The following UGT8 variants were observed in gnomAD, a reference collection of about 807,000 sequenced individuals.
UGT8 encodes UDP glycosyltransferase 8, also known as 2-hydroxyacylsphingosine 1-beta-galactosyltransferase.
Under a neutral mutation model 40.5 loss-of-function variants are expected in UGT8, and 12 were observed. The observed-to-expected ratio is 0.30, with a 90% confidence interval of 0.19 to 0.48. UGT8 has a LOEUF of 0.48. Ranked by LOEUF, UGT8 falls within the 20% of genes least tolerant of loss-of-function variation. The pLI is 0.99. For missense variants in UGT8, 513 were observed against 648.7 expected, an observed-to-expected ratio of 0.79 and a Z score of 2.27; for synonymous variants, 224 against 240.4, an observed-to-expected ratio of 0.93 and a Z score of 0.63.
Position 114,622,905 on chromosome 4 carries a change from A to C in UGT8, c.25A>C (p.Ile9Leu). The C allele has an allele frequency of 6.2e-7, 1 of 1,613,350 alleles. No homozygotes were observed. The highest frequency in any genetic ancestry group is 8.5e-7 in the Non-Finnish European group (1 of 1,179,668). The change falls in exon 2 of 6, where the codon ATT becomes CTT. Residue 9 changes from isoleucine (I) to leucine (L), a missense_variant. Transcript: ENST00000310836. MKSYTPYF[I>L]LLWSAVGIAK... The stretch of plus-strand genomic sequence containing the variant: ...TATGAAGTCTTACACTCCATATTTC[A>C]TTCTCCTGTGGAGTGCTGTTGGGAT...
At chr4:114,616,291 C>T (rs1043526379) in intron 1 of UGT8, among the ~76,000 whole-genome samples, 8 of 152,318 alleles carry the variant, frequency 5.3e-5, no homozygotes, top group Admixed American at 4.6e-4. Context: ...ACTCAAGCCT[C>T]GGCAGTGGCG....
chr4:114,646,367 A>ATATATC (rs567217703), intron 2 of UGT8, among the ~76,000 whole-genome samples: 15 of 151,796 alleles, frequency 9.9e-5, no homozygotes, highest in South Asian at 2.1e-4. Flanking sequence ...ATATACATAC[A>ATATATC]TATATCTATA....
intron 1 of UGT8, among the ~76,000 whole-genome samples, chr4:114,606,875 G>C (rs1730765770): frequency 6.6e-6 from 1 of 152,132 alleles, no homozygotes; most frequent in South Asian, 2.1e-4. Context: ...ATTGATCTGA[G>C]AATGAATTTA....
intron 2 of UGT8, among the ~76,000 whole-genome samples, chr4:114,636,589 A>C (rs1040488378): frequency 6.6e-6 from 1 of 152,244 alleles, no homozygotes; most frequent in Admixed American, 6.5e-5. Context: ...CCTTTCACAG[A>C]AATCCGTAAT....
intron 2 of UGT8, among the ~76,000 whole-genome samples, chr4:114,649,887 A>T (rs1272012044): frequency 1.3e-5 from 2 of 152,158 alleles, no homozygotes; most frequent in Non-Finnish European, 2.9e-5. Flanking sequence ...ACTCCTTGGT[A>T]CACTTTTGTG....
chr4:114,611,008 G>A (rs1282188177), intron 1 of UGT8, among the ~76,000 whole-genome samples: 1 of 152,088 alleles, frequency 6.6e-6, no homozygotes, highest in Non-Finnish European at 1.5e-5. Flanking sequence ...TCTCCTACAT[G>A]TGAATATGTT....
chr4:114,660,652 G>A (rs749213466), intron 2 of UGT8, among the ~76,000 whole-genome samples: 1 of 152,024 alleles, frequency 6.6e-6, no homozygotes, highest in Non-Finnish European at 1.5e-5. Flanking sequence ...CAGCACTTTG[G>A]GAGGCCAAGA....
At chr4:114,604,636 A>C (rs1214599629) in intron 1 of UGT8, among the ~76,000 whole-genome samples, 3 of 152,114 alleles carry the variant, frequency 2.0e-5, no homozygotes, top group Non-Finnish European at 4.4e-5. Flanking sequence ...TTACTGCATA[A>C]TTTGAGAAAA....
chr4:114,611,435 T>TATAC (rs1427223249), intron 1 of UGT8, among the ~76,000 whole-genome samples: 1 of 59,192 alleles, frequency 1.7e-5, no homozygotes, highest in Non-Finnish European at 3.9e-5. Flanking sequence ...TATATATATA[T>TATAC]ATATATATAT....
rs1190332123 is a variant in UGT8 at position 114,676,957 on chromosome 4, T to C, written c.*669T>C. The C allele has an allele frequency of 1.3e-5, 2 of 151,904 alleles. No homozygotes were observed. Among genetic ancestry groups the C allele is most frequent in the Non-Finnish European group, 2.9e-5 (2 of 67,972 alleles). The allele number at this position is 151,904 out of a possible 1,614,324, so 9.4% of individuals were successfully genotyped here. The stretch of plus-strand genomic sequence containing the variant: ...ATTGTTTTTCTTTTCTGATAGAGTA[T>C]GGCCACTTCTGGGGGAAAAACATGT... On this transcript the variant is annotated 3_prime_UTR_variant, in exon 6 of 6. Transcript: ENST00000310836.
intron 2 of UGT8, among the ~76,000 whole-genome samples, chr4:114,642,214 CT>C (rs796675822): frequency 8.9e-4 from 128 of 144,506 alleles, no homozygotes; most frequent in East Asian, 8.4e-3. Flanking sequence ...CCTTTGTTGA[CT>C]TTTTTTTTTT....
At chr4:114,614,997 C>T (rs1731317158) in intron 1 of UGT8, among the ~76,000 whole-genome samples, 2 of 151,916 alleles carry the variant, frequency 1.3e-5, no homozygotes, top group Admixed American at 1.3e-4. Context: ...TGCTAATAGC[C>T]ACCATAAATA....
chr4:114,623,064 A>G lies in UGT8; in HGVS notation c.184A>G (p.Ile62Val), dbSNP rs760580655. Reference sequence around the variant, plus strand: ...GTTCCTCCTCTCTGAAGGCAGAGACATCGCCCCATCTAATCATTACAGCCT... The same window carrying G: ...GTTCCTCCTCTCTGAAGGCAGAGACGTCGCCCCATCTAATCATTACAGCCT... ...TVFLLSEGRD[I>V]APSNHYSLQR... The change falls in exon 2 of 6, where the codon ATC becomes GTC. Residue 62 changes from isoleucine (I) to valine (V), a missense_variant. Around this residue, in one of 3 missense-constraint regions of UGT8, gnomAD observed 335 missense variants for 444.8 expected, o/e 0.75. Coordinates refer to ENST00000310836, the MANE Select transcript of UGT8 (RefSeq NM_001128174.3). 3 of 1,614,068 alleles carry G rather than the reference A, an allele frequency of 1.9e-6. No individual in the cohort carries two copies. The highest frequency in any genetic ancestry group is 1.1e-5 in the South Asian group (1 of 91,088).
Position 114,676,177 on chromosome 4 carries a change from T to A in UGT8, c.1515T>A (p.Ser505Arg). The change falls in exon 6 of 6, where the codon AGT becomes AGA. Residue 505 changes from serine to arginine, a missense_variant. Physicochemically the swap from Ser to Arg is moderately radical, Grantham distance 110. Transcript: ENST00000310836. ...VTKFIYRKIKSLWSRNKHSTV... is the reference protein window; with the variant it reads ...VTKFIYRKIKRLWSRNKHSTV... Reference sequence around the variant, plus strand: ...AATTTATCTACAGAAAAATCAAAAGTCTGTGGTCTAGAAATAAGCATAGCA... The same window carrying A: ...AATTTATCTACAGAAAAATCAAAAGACTGTGGTCTAGAAATAAGCATAGCA... 6.2e-7 allele frequency: 1 copy of A among 1,614,130 alleles called. No individual in the cohort carries two copies. Among genetic ancestry groups the A allele is most frequent in the Non-Finnish European group, 8.5e-7 (1 of 1,180,018 alleles).
chr4:114,600,053 G>A (rs1275757193), intron 1 of UGT8, among the ~76,000 whole-genome samples: 5 of 152,170 alleles, frequency 3.3e-5, no homozygotes, highest in Non-Finnish European at 7.3e-5. Flanking sequence ...AGAGAAGGTA[G>A]AGAACTTCTG....
intron 2 of UGT8, among the ~76,000 whole-genome samples, chr4:114,633,667 C>G (rs911944196): frequency 6.6e-6 from 1 of 152,168 alleles, no homozygotes; most frequent in African/African-American, 2.4e-5. Context: ...CACTCTGGGC[C>G]AGGTATGGTG....
intron 1 of UGT8, among the ~76,000 whole-genome samples, chr4:114,615,457 C>T (rs1731348898): frequency 6.6e-6 from 1 of 152,108 alleles, no homozygotes; most frequent in African/African-American, 2.4e-5. Flanking sequence ...GAAACTTCCC[C>T]CCTCCCCACC....
chr4:114,600,145 G>A (rs1038956891), intron 1 of UGT8, among the ~76,000 whole-genome samples: 1 of 152,144 alleles, frequency 6.6e-6, no homozygotes, highest in African/African-American at 2.4e-5. Context: ...AAGGGAAGGA[G>A]TGGGTGGCGG....
chr4:114,666,468 A>G (rs1175644897), intron 4 of UGT8, among the ~76,000 whole-genome samples: 1 of 152,142 alleles, frequency 6.6e-6, no homozygotes, highest in Non-Finnish European at 1.5e-5. Flanking sequence ...CATCTAGCTT[A>G]TTATAATACT....
Sources: allele counts gnomAD v4.1 joint callset (sites outside exome capture counted in the v4.1 genomes callset), GRCh38; gene constraint gnomAD v4.1.1; regional missense constraint gnomAD v4.1.1; transcripts MANE v1.5; gene names NCBI Gene and HGNC (gene_info 2026-07-23, HGNC 2026-07-21).